TNFSF8: variants seen among roughly 807,000 people sequenced by gnomAD.
TNFSF8 encodes tumor necrosis factor ligand superfamily member 8.
A neutral mutation model predicts 22.0 loss-of-function variants in TNFSF8; 4 were observed. The observed-to-expected ratio is 0.18, with a 90% CI of 0.09 to 0.42. TNFSF8 has a LOEUF of 0.42. TNFSF8 is among the 10% of genes least tolerant of loss of function. The pLI, the probability that TNFSF8 is intolerant of heterozygous loss-of-function variation, is 1.00. For missense variants in TNFSF8, 233 were observed against 281.8 expected, an observed-to-expected ratio of 0.83 and a Z score of 1.24; for synonymous variants, 106 against 112.5, an observed-to-expected ratio of 0.94 and a Z score of 0.37.
downstream of TNFSF8, among the ~76,000 whole-genome samples, chr9:114,899,048 G>A (rs913487975): frequency 6.6e-6 from 1 of 152,066 alleles, no homozygotes; most frequent in Non-Finnish European, 1.5e-5. Flanking sequence ...CACCACCTAG[G>A]CTCACCCCAA....
chr9:114,917,956 A>G (rs557928539), intron 2 of TNFSF8, 140 bp downstream of exon 2: 8 of 719,520 alleles, frequency 1.1e-5, no homozygotes, highest in Admixed American at 6.8e-5. Flanking sequence ...TCAGTCCTGA[A>G]CAGCCCTTGC....
At chr9:114,922,026 C>T (rs1827995139) in intron 1 of TNFSF8, among the ~76,000 whole-genome samples, 1 of 152,120 alleles carries the variant, frequency 6.6e-6, no homozygotes, top group Non-Finnish European at 1.5e-5. Flanking sequence ...GGAGTGTTTT[C>T]TTCTCCTTTA....
downstream of TNFSF8, chr9:114,901,022 G>A: frequency 5.3e-5 from 51 of 965,366 alleles, no homozygotes; most frequent in Non-Finnish European, 6.2e-5. Flanking sequence ...TACAAGTTCT[G>A]CAAGTACACT....
Position 114,902,700 on chromosome 9 carries a change from G to A in TNFSF8, c.*1231C>T. 1 of 985,396 alleles carries A rather than the reference G, an allele frequency of 1.0e-6. No homozygotes were observed. The highest frequency in any genetic ancestry group is 1.2e-6 in the Non-Finnish European group (1 of 829,942). The allele number at this position is 985,396 out of a possible 1,614,324, so 61.0% of individuals were successfully genotyped here. On this transcript the variant is annotated 3_prime_UTR_variant, in exon 4 of 4. Coordinates refer to ENST00000223795, the MANE Select transcript of TNFSF8 (RefSeq NM_001244.4). ...ACTGGGGTAGGGGGGCCTTATTTTG[G>A]TTGGAGAGCTTCCAAAATTGTGTCT...
chr9:114,898,426 C>T (rs1453678232), downstream of TNFSF8, among the ~76,000 whole-genome samples: 2 of 152,086 alleles, frequency 1.3e-5, no homozygotes, highest in African/African-American at 4.8e-5. Context: ...TCGGGAGATG[C>T]TATTGCTGTC....
chr9:114,928,339 A>T (rs914570574), intron 1 of TNFSF8, among the ~76,000 whole-genome samples: 1 of 152,182 alleles, frequency 6.6e-6, no homozygotes, highest in Non-Finnish European at 1.5e-5. Context: ...CCACTTTCTC[A>T]GGGTGACGTA....
intron 1 of TNFSF8, among the ~76,000 whole-genome samples, chr9:114,921,235 C>T (rs1441339841): frequency 6.6e-6 from 1 of 152,162 alleles, no homozygotes; most frequent in Non-Finnish European, 1.5e-5. Flanking sequence ...ATGACAGAAG[C>T]GTGACTATTC....
Position 114,901,454 on chromosome 9 carries a change from C to T in TNFSF8, c.*2477G>A, listed in dbSNP as rs1827716090. The stretch of plus-strand genomic sequence containing the variant: ...CCACTCACAGTGCAAAAGTCAGGTA[C>T]CTCTGCTCAGAGAACAGTTGGTGAA... On this transcript the variant is annotated 3_prime_UTR_variant, in exon 4 of 4. Coordinates refer to ENST00000223795, the MANE Select transcript of TNFSF8 (RefSeq NM_001244.4). The T allele has an allele frequency of 1.0e-6, 1 of 985,352 alleles. No individual in the cohort carries two copies. Among genetic ancestry groups the T allele is most frequent in the Non-Finnish European group, 1.2e-6 (1 of 829,914 alleles). 61.0% of individuals were successfully genotyped at this position (985,352 alleles called of 1,614,324 possible).
At chr9:114,913,219 G>C (rs1827873726) in intron 2 of TNFSF8, among the ~76,000 whole-genome samples, 1 of 152,176 alleles carries the variant, frequency 6.6e-6, no homozygotes, top group South Asian at 2.1e-4. Context: ...ACCCACACGA[G>C]GTCTATCCAC....
chr9:114,899,337 A>C (rs1341788988), downstream of TNFSF8, among the ~76,000 whole-genome samples: 2 of 130,914 alleles, frequency 1.5e-5, no homozygotes, highest in Non-Finnish European at 3.1e-5. Flanking sequence ...TCTTCACAGT[A>C]AGTTATTATT....
intron 2 of TNFSF8, among the ~76,000 whole-genome samples, chr9:114,907,807 C>T (rs554067832): frequency 5.9e-5 from 9 of 152,250 alleles, no homozygotes; most frequent in South Asian, 4.1e-4. Flanking sequence ...CACAATAACA[C>T]GATAAGAGAG....
downstream of TNFSF8, among the ~76,000 whole-genome samples, chr9:114,900,655 A>G (rs1038326198): frequency 6.6e-6 from 1 of 152,114 alleles, no homozygotes; most frequent in African/African-American, 2.4e-5. Context: ...TCTATCCTCT[A>G]TAGACTCAGT....
intron 2 of TNFSF8, among the ~76,000 whole-genome samples, chr9:114,912,602 A>C (rs886618502): frequency 2.0e-5 from 3 of 152,008 alleles, no homozygotes; most frequent in Non-Finnish European, 2.9e-5. Flanking sequence ...TGTTGGCCAG[A>C]ATGGTCTCGA....
Position 114,901,347 on chromosome 9 carries a change from A to G in TNFSF8, c.*2584T>C, listed in dbSNP as rs1004606486. 44 of 985,228 alleles carry G rather than the reference A, an allele frequency of 4.5e-5. No individual in the cohort carries two copies. Among genetic ancestry groups the G allele is most frequent in the East Asian group, 3.4e-4 (3 of 8,824 alleles). 61.0% of individuals were successfully genotyped at this position (985,228 alleles called of 1,614,324 possible). A position where few individuals can be genotyped will look rare whatever the true frequency, so the allele number is the denominator to read the frequency against. On this transcript the variant is annotated 3_prime_UTR_variant, in exon 4 of 4. Coordinates refer to ENST00000223795, the MANE Select transcript of TNFSF8 (RefSeq NM_001244.4). ...TCTCTTTTTTTGTTTGTTTGGTTACATTATTCATTTAAATGATGTACCCCT... is the reference window on the plus strand; with the variant it reads ...TCTCTTTTTTTGTTTGTTTGGTTACGTTATTCATTTAAATGATGTACCCCT...
chr9:114,917,596 T>A (rs1219437685), intron 2 of TNFSF8, among the ~76,000 whole-genome samples: 5 of 152,212 alleles, frequency 3.3e-5, no homozygotes, highest in Non-Finnish European at 7.3e-5. Context: ...AGTCCTTGAC[T>A]TCATTATGCA....
intron 2 of TNFSF8, among the ~76,000 whole-genome samples, chr9:114,912,040 C>T (rs1555457): frequency 0.14 from 21,079 of 152,166 alleles, 1,625 homozygotes; most frequent in Admixed American, 0.22. Flanking sequence ...TTAGAAAGTT[C>T]GTTTTGGGTT....
At position 114,902,463 on chromosome 9, in the gene TNFSF8, C is replaced by T. The variant is rs1273523688; in HGVS notation, c.*1468G>A. 1 of 985,452 alleles carries T rather than the reference C, an allele frequency of 1.0e-6. No individual in the cohort carries two copies. 61.0% of individuals were successfully genotyped at this position (985,452 alleles called of 1,614,324 possible). ...TGCCTGCTGCTCAATTATTGTCAAT[C>T]TAACTGGAATAGAGTCAGGCCTCGT... On this transcript the variant is annotated 3_prime_UTR_variant, in exon 4 of 4. Coordinates refer to ENST00000223795, the MANE Select transcript of TNFSF8 (RefSeq NM_001244.4).
intron 1 of TNFSF8, among the ~76,000 whole-genome samples, chr9:114,927,669 G>C (rs1054529198): frequency 7.9e-5 from 12 of 152,116 alleles, no homozygotes; most frequent in African/African-American, 2.9e-4. Context: ...TTTAAATTTT[G>C]TCTATACACG....
chr9:114,917,067 G>T (rs564150130), intron 2 of TNFSF8, among the ~76,000 whole-genome samples: 1 of 152,292 alleles, frequency 6.6e-6, no homozygotes, highest in South Asian at 2.1e-4. Context: ...GTCTCTGGGT[G>T]ATAAACCACA....
Sources: gnomAD v4.1 joint callset for allele counts (sites outside exome capture counted in the v4.1 genomes callset) on GRCh38, gnomAD v4.1.1 for gene constraint, MANE v1.5 for transcripts, NCBI Gene and HGNC (gene_info 2026-07-23, HGNC 2026-07-21) for gene names.